The following DAB1 variants were observed in gnomAD, a reference collection of about 807,000 sequenced individuals.
DAB1 encodes disabled homolog 1.
DAB1 carries 15 observed loss-of-function variants against 64.6 expected under a neutral mutation model. The observed-to-expected ratio is 0.23, with a 90% confidence interval of 0.16 to 0.36. The LOEUF (loss-of-function observed/expected upper bound fraction) is 0.36, where lower values mean the gene tolerates loss of function less well. Ranked by LOEUF, DAB1 falls within the 10% of genes least tolerant of loss-of-function variation. The probability of loss-of-function intolerance (pLI) is 1.00; values close to 1 mark genes in which losing one functional copy is unlikely to be tolerated. For synonymous variants in DAB1, 235 were observed against 251.9 expected (o/e 0.93, Z 0.64); for missense variants, 596 against 706.7 (o/e 0.84, Z 1.78).
intron 6 of DAB1, among the ~76,000 whole-genome samples, chr1:57,703,170 A>G (rs1472988474): frequency 6.6e-6 from 1 of 152,228 alleles, no homozygotes; most frequent in Non-Finnish European, 1.5e-5. Flanking sequence ...AGTTGCAACA[A>G]AAGTGAAAAT....
chr1:57,517,772 G>A (rs1367551522), intron 7 of DAB1, among the ~76,000 whole-genome samples: 1 of 152,210 alleles, frequency 6.6e-6, no homozygotes, highest in Non-Finnish European at 1.5e-5. Flanking sequence ...AGCCAGTGTA[G>A]GTAACAATGA....
At chr1:57,359,064 C>T (rs1444327225) in intron 1 of DAB1, among the ~76,000 whole-genome samples, 1 of 151,938 alleles carries the variant, frequency 6.6e-6, no homozygotes, top group Non-Finnish European at 1.5e-5. Flanking sequence ...GATAAGATCT[C>T]AAGAGCATAG....
In DAB1 at chr1:58,331,028, T is replaced by C. The variant is rs540200429; in HGVS notation, n.309+12324A>G. ...CTGCCATAGACTGTGATTCCTCTGA[T>C]GGATCTGGGCAAAGTAAACTGTAAA... On this transcript the variant is annotated intron_variant and non_coding_transcript_variant, in intron 4 of 20. Coordinates refer to the DAB1 transcript ENST00000485760. Among the ~76,000 whole-genome samples, 6 of 152,326 alleles carry C rather than the reference T, an allele frequency of 3.9e-5. No homozygotes were observed. The East Asian group carries it at 1.2e-3, about 29-fold the overall frequency.
chr1:57,548,508 T>A (rs1190023079), intron 7 of DAB1, among the ~76,000 whole-genome samples: 1 of 152,216 alleles, frequency 6.6e-6, no homozygotes, highest in African/African-American at 2.4e-5. Flanking sequence ...CTATGAAATC[T>A]AACACCTTCC....
intron 7 of DAB1, among the ~76,000 whole-genome samples, chr1:57,441,294 CTTTCTTTCTTTCTTTCTTTCTT>C (rs1558383819): frequency 5.3e-5 from 3 of 56,136 alleles, no homozygotes; most frequent in Non-Finnish European, 1.1e-4. Flanking sequence ...TTCTTTCTTT[CTTTCTTTCTTTCTTTCTTTCTT>C]TCTTCTTTCC....
chr1:58,274,715 G>T (rs1021996402), intron 4 of DAB1, among the ~76,000 whole-genome samples: 1 of 152,308 alleles, frequency 6.6e-6, no homozygotes, highest in East Asian at 1.9e-4. Flanking sequence ...GTGGTTCGCC[G>T]CTTTTTAAGC....
intron 4 of DAB1, among the ~76,000 whole-genome samples, chr1:58,342,229 AG>A (rs1643948764): frequency 6.6e-6 from 1 of 152,188 alleles, no homozygotes; most frequent in African/African-American, 2.4e-5. Flanking sequence ...AGCAAACTAA[AG>A]CCATGATGAT....
intron 7 of DAB1, among the ~76,000 whole-genome samples, chr1:57,562,253 A>G (rs1645061096): frequency 6.6e-6 from 1 of 152,216 alleles, no homozygotes; most frequent in Admixed American, 6.5e-5. Flanking sequence ...GATGCCTGTC[A>G]TCCCAGCTAC....
chr1:57,413,371 A>T (rs1397539819), intron 1 of DAB1, among the ~76,000 whole-genome samples: 1 of 152,226 alleles, frequency 6.6e-6, no homozygotes, highest in Non-Finnish European at 1.5e-5. Flanking sequence ...CATACATTTC[A>T]TAAGGCTATA....
At chr1:58,370,256 G>C (rs942415246) in intron 3 of DAB1, among the ~76,000 whole-genome samples, 3 of 152,220 alleles carry the variant, frequency 2.0e-5, no homozygotes, top group African/African-American at 7.2e-5. Context: ...ATCTTGATAG[G>C]TCCTCAACAC....
At chr1:57,776,805 G>A (rs1180026398) in intron 6 of DAB1, among the ~76,000 whole-genome samples, 1 of 151,584 alleles carries the variant, frequency 6.6e-6, no homozygotes, top group Non-Finnish European at 1.5e-5. Context: ...ACAACACAAT[G>A]TTGTTATTTT....
In DAB1 at chr1:58,470,148, ATTTATTTATTTT is replaced by A. The variant is rs1252217375; in HGVS notation, n.257+35900_257+35911del. 6.0e-3 allele frequency among the ~76,000 whole-genome samples: 204 copies of A among 34,218 alleles called. 1 individual carries two copies. Among genetic ancestry groups the A allele is most frequent in the Non-Finnish European group, 0.011 (162 of 14,864 alleles). The allele number at this position is 34,218 out of a possible 152,430, so 22.4% of individuals were successfully genotyped here. ...TATTTATTTATTTATTTATTTATTT[ATTTATTTATTTT>A]TATTTTTAATTTTATTTATTTATTT... On this transcript the variant is annotated intron_variant and non_coding_transcript_variant, in intron 3 of 20. Coordinates refer to the DAB1 transcript ENST00000485760.
At chr1:57,613,402 C>G (rs186399954) in intron 7 of DAB1, among the ~76,000 whole-genome samples, 21 of 152,306 alleles carry the variant, frequency 1.4e-4, no homozygotes, top group African/African-American at 5.1e-4. Flanking sequence ...CCTCACTCAG[C>G]AGCTGCTCCA....
At chr1:57,101,457 C>T (rs1654675849) in intron 4 of DAB1, among the ~76,000 whole-genome samples, 1 of 152,218 alleles carries the variant, frequency 6.6e-6, no homozygotes, top group Non-Finnish European at 1.5e-5. Flanking sequence ...AAAGGCTCAA[C>T]TTCAGTCTCT....
At chr1:57,181,993 C>T (rs1256463517) in intron 2 of DAB1, among the ~76,000 whole-genome samples, 2 of 152,200 alleles carry the variant, frequency 1.3e-5, no homozygotes, top group Non-Finnish European at 2.9e-5. Context: ...TCAAGTGATA[C>T]TCCTGCCTCA....
At chr1:57,426,326 C>G (rs940317547), upstream of DAB1, among the ~76,000 whole-genome samples, 7 of 152,140 alleles carry the variant, frequency 4.6e-5, no homozygotes, top group Admixed American at 3.3e-4. Context: ...GGCAAATTTC[C>G]CTGAAATTCA....
intron 7 of DAB1, among the ~76,000 whole-genome samples, chr1:57,490,323 C>CT (rs1485623891): frequency 6.6e-6 from 1 of 152,112 alleles, no homozygotes; most frequent in African/African-American, 2.4e-5. Flanking sequence ...TCGGTGACCA[C>CT]TTCAAGGTTA....
At chr1:57,872,858 T>C (rs1276674027) in intron 1 of DAB1, among the ~76,000 whole-genome samples, 2 of 152,060 alleles carry the variant, frequency 1.3e-5, no homozygotes, top group Non-Finnish European at 2.9e-5. Flanking sequence ...ATGGGAAGTA[T>C]GAAAAGGGAA....
At chr1:58,313,409 G>T (rs570449002) in intron 4 of DAB1, among the ~76,000 whole-genome samples, 1 of 152,220 alleles carries the variant, frequency 6.6e-6, no homozygotes, top group African/African-American at 2.4e-5. Flanking sequence ...GCTGACAGAT[G>T]CAGACATCCC....
Sources: gnomAD v4.1 joint callset for allele counts (sites outside exome capture counted in the v4.1 genomes callset) on GRCh38, gnomAD v4.1.1 for gene constraint, MANE v1.5 for transcripts, NCBI Gene and HGNC (gene_info 2026-07-23, HGNC 2026-07-21) for gene names.